RAPGEF2: variants seen among roughly 807,000 people sequenced by gnomAD.
RAPGEF2 encodes the protein PDZ domain containing guanine nucleotide exchange factor (GEF) 1.
RAPGEF2 carries 54 observed loss-of-function variants against 186.7 expected under a neutral mutation model. The ratio of observed to expected loss-of-function variants is 0.29; its 90% CI spans 0.23 to 0.36. The LOEUF is 0.36. RAPGEF2 is among the 10% of genes least tolerant of loss of function. The pLI is 1.00. For synonymous variants in RAPGEF2, 712 were observed against 705.9 expected (o/e 1.01, Z -0.14); for missense variants, 1,532 against 2,045.0 (o/e 0.75, Z 4.84).
chr4:159,278,979 C>T (rs910218881), intron 7 of RAPGEF2, among the ~76,000 whole-genome samples: 2 of 152,142 alleles, frequency 1.3e-5, no homozygotes, highest in East Asian at 1.9e-4. Context: ...TTTCCCTTTC[C>T]TTTAGGTGAC....
chr4:159,137,432 A>G (rs867181053), intron 1 of RAPGEF2, among the ~76,000 whole-genome samples: 33 of 152,106 alleles, frequency 2.2e-4, no homozygotes, highest in African/African-American at 8.0e-4. Flanking sequence ...CACCAGTCCA[A>G]CTGGACCAGG....
intron 14 of RAPGEF2, 27 bp from the exon 15 acceptor site, chr4:159,331,603 G>T (rs1395702427): frequency 6.2e-7 from 1 of 1,612,818 alleles, no homozygotes; most frequent in African/African-American, 1.3e-5. Flanking sequence ...TTCTTGAGTT[G>T]ACACTACTGT....
rs1027847733 is a variant in RAPGEF2, at chr4:159,208,601, G to A, written c.198-1899G>A. Among the ~76,000 whole-genome samples, 12 of 152,280 alleles carry A rather than the reference G, an allele frequency of 7.9e-5. 1 individual carries two copies. The highest frequency in any genetic ancestry group is 3.9e-4 in the Admixed American group (6 of 15,302). On this transcript the variant is annotated intron_variant, in intron 3 of 29. Transcript: ENST00000691494. ...ACATCTTACCAGTCTTGGACTTCCA[G>A]TGTTCAGACTATTTTGTGTGTGAGA...
rs1039754666 is a variant in RAPGEF2 at position 159,330,856 on chromosome 4, G to A, written c.1467+358G>A. Among the ~76,000 whole-genome samples, 3 of 152,226 alleles carry A rather than the reference G, an allele frequency of 2.0e-5. No homozygotes were observed. In the South Asian group the frequency reaches 6.2e-4, roughly 32 times the overall value. On this transcript the variant is annotated intron_variant, in intron 13 of 29. Transcript: ENST00000691494. ...GGTAGTAAGTGTACACCAGATAAAA[G>A]TTACAGTTTTTAAATTGGCACCAGA...
intron 2 of RAPGEF2, among the ~76,000 whole-genome samples, chr4:159,188,445 C>G (rs1216945086): frequency 6.6e-6 from 1 of 151,964 alleles, no homozygotes; most frequent in African/African-American, 2.4e-5. Context: ...GGGTGGATCA[C>G]TTGAGGTCAG....
intron 11 of RAPGEF2, among the ~76,000 whole-genome samples, chr4:159,324,070 T>A (rs1765605469): frequency 6.6e-6 from 1 of 151,522 alleles, no homozygotes; most frequent in Admixed American, 6.6e-5. Context: ...CTAATTTTTG[T>A]ATTTGTAGTA....
intron 3 of RAPGEF2, among the ~76,000 whole-genome samples, chr4:159,195,427 T>C (rs1202823272): frequency 1.3e-4 from 20 of 152,172 alleles, no homozygotes; most frequent in Non-Finnish European, 1.3e-4. Flanking sequence ...GATGAGGTGA[T>C]AGCCGACATT....
intron 1 of RAPGEF2, among the ~76,000 whole-genome samples, chr4:159,121,325 T>TCTCCC (rs369594850): frequency 1.3e-5 from 2 of 151,764 alleles, no homozygotes; most frequent in East Asian, 1.9e-4. Context: ...TACATGGACC[T>TCTCCC]CTCCCCTCCC....
chr4:159,121,912 C>G (rs1183313574), intron 1 of RAPGEF2, among the ~76,000 whole-genome samples: 2 of 150,584 alleles, frequency 1.3e-5, no homozygotes, highest in African/African-American at 2.4e-5. Flanking sequence ...GTGGTGCATG[C>G]CTGTACTCCC....
intron 25 of RAPGEF2, among the ~76,000 whole-genome samples, chr4:159,348,218 C>CGATAGATAGATA (rs535075782): frequency 9.6e-5 from 14 of 145,846 alleles, no homozygotes; most frequent in African/African-American, 3.6e-4. Context: ...AAGACTCTGT[C>CGATAGATAGATA]GATAGATAGA....
rs186064248 is a variant in RAPGEF2, at chr4:159,282,664, G to A, written c.544-21678G>A. The stretch of plus-strand genomic sequence containing the variant: ...TGGTATGTATTCTATTTCTTCCTAA[G>A]GCTTGCCTTTCTGGTTAACCTTTGC... On this transcript the variant is annotated intron_variant, in intron 7 of 29. Transcript: ENST00000691494. The A allele has an allele frequency of 3.1e-5, 14 of 450,138 alleles. No individual in the cohort carries two copies. The Admixed American group carries it at 3.4e-4, about 11-fold the overall frequency. The allele number at this position is 450,138 out of a possible 1,614,324, so 27.9% of individuals were successfully genotyped here.
In RAPGEF2 at chr4:159,344,027, CACTT is replaced by C. The variant is rs757020151; in HGVS notation, c.3255-6_3255-3del. The C allele has an allele frequency of 4.6e-6, 7 of 1,533,144 alleles. No homozygotes were observed. In the African/African-American group the frequency reaches 8.2e-5, roughly 18 times the overall value. The allele number at this position is 1,533,144 out of a possible 1,614,324, so 95.0% of individuals were successfully genotyped here. On this transcript the variant is annotated splice_region_variant and splice_polypyrimidine_tract_variant and intron_variant, in intron 22 of 29. Coordinates refer to ENST00000691494, the MANE Select transcript of RAPGEF2 (RefSeq NM_001394067.2). ...CCCATGCTTCAATCTCCATGGCTCT[CACTT>C]ACAGGAAGAAGAAATGGCGGAGTTT...
intron 7 of RAPGEF2, among the ~76,000 whole-genome samples, chr4:159,253,827 G>A (rs537663337): frequency 5.9e-5 from 9 of 152,274 alleles, no homozygotes; most frequent in African/African-American, 2.2e-4. Flanking sequence ...AATGAGCTGG[G>A]TGTGGTGGTG....
intron 7 of RAPGEF2, among the ~76,000 whole-genome samples, chr4:159,256,419 G>A (rs1328099761): frequency 2.6e-5 from 4 of 152,184 alleles, no homozygotes; most frequent in African/African-American, 7.2e-5. Context: ...TGGTGTATAT[G>A]TATCAAGTTT....
chr4:159,239,481 G>C (rs1341868286), intron 5 of RAPGEF2, among the ~76,000 whole-genome samples: 1 of 152,146 alleles, frequency 6.6e-6, no homozygotes, highest in African/African-American at 2.4e-5. Flanking sequence ...GGATTATTAT[G>C]CTGGTTAAAC....
chr4:159,213,092 G>A (rs932939075), intron 4 of RAPGEF2, among the ~76,000 whole-genome samples: 32 of 152,292 alleles, frequency 2.1e-4, no homozygotes, highest in African/African-American at 6.7e-4. Context: ...TGGCGGTTCC[G>A]ACGGAATGAC....
intron 1 of RAPGEF2, among the ~76,000 whole-genome samples, chr4:159,105,301 G>C (rs1234540484): frequency 6.6e-6 from 1 of 152,220 alleles, no homozygotes; most frequent in Non-Finnish European, 1.5e-5. Flanking sequence ...ATGCTTGAAA[G>C]TGTTGCTTCG....
At chr4:159,122,693 G>C (rs75690586) in intron 1 of RAPGEF2, among the ~76,000 whole-genome samples, 1,576 of 152,218 alleles carry the variant, frequency 0.01, 27 homozygotes, top group African/African-American at 0.035. Flanking sequence ...CTCTCAATGA[G>C]GAGTTTGTCC....
At chr4:159,267,201 G>C (rs935032020) in intron 7 of RAPGEF2, 1 of 1,288,456 alleles carries the variant, frequency 7.8e-7, no homozygotes, top group East Asian at 5.6e-5. Flanking sequence ...CAGCAATGCC[G>C]TTTGTTTCCT....
Sources: gnomAD v4.1 joint callset for allele counts (sites outside exome capture counted in the v4.1 genomes callset) on GRCh38, gnomAD v4.1.1 for gene constraint, MANE v1.5 for transcripts, NCBI Gene and HGNC (gene_info 2026-07-23, HGNC 2026-07-21) for gene names.